Variants in CNTNAP2 observed in about 807,000 individuals in gnomAD.
CNTNAP2 encodes contactin-associated protein-like 2.
CNTNAP2 carries 98 observed loss-of-function variants against 155.2 expected under a neutral mutation model. The observed-to-expected ratio is 0.63, with a 90% CI of 0.54 to 0.75. CNTNAP2 has a LOEUF of 0.75. Ranked by LOEUF, CNTNAP2 falls within the 30% of genes least tolerant of loss-of-function variation. CNTNAP2 has a pLI of 0.00. For synonymous variants in CNTNAP2, 651 were observed against 631.2 expected (o/e 1.03, Z -0.47); for missense variants, 1,727 against 1,688.1 (o/e 1.02, Z -0.40).
intron 1 of CNTNAP2, among the ~76,000 whole-genome samples, chr7:146,371,938 G>T (rs183566795): frequency 9.5e-5 from 14 of 146,746 alleles, no homozygotes; most frequent in Non-Finnish European, 1.5e-4. Context: ...CAGCCTGGGC[G>T]ACAGAGTGAA....
At chr7:146,758,974 T>A (rs1563219011) in intron 1 of CNTNAP2, among the ~76,000 whole-genome samples, 1 of 152,202 alleles carries the variant, frequency 6.6e-6, no homozygotes, top group Non-Finnish European at 1.5e-5. Flanking sequence ...CTGGTGATGA[T>A]GGCAAAATGA....
At chr7:147,528,969 T>C (rs983886682) in intron 11 of CNTNAP2, among the ~76,000 whole-genome samples, 3 of 152,088 alleles carry the variant, frequency 2.0e-5, no homozygotes, top group Non-Finnish European at 2.9e-5. Flanking sequence ...AGCCAGACCA[T>C]GGGGATGAAA....
chr7:147,126,495 C>T (rs199587755), intron 6 of CNTNAP2, among the ~76,000 whole-genome samples: 8 of 152,076 alleles, frequency 5.3e-5, no homozygotes, highest in South Asian at 2.1e-4. Context: ...ATATTTGAGA[C>T]GGACTCTTTC....
chr7:148,321,000 A>C (rs530659177), intron 21 of CNTNAP2, among the ~76,000 whole-genome samples: 15 of 152,296 alleles, frequency 9.8e-5, no homozygotes, highest in Non-Finnish European at 1.9e-4. Context: ...CTTTCAGAGT[A>C]AAGAGAGGTT....
chr7:146,972,585 C>T (rs1316549210), intron 3 of CNTNAP2, among the ~76,000 whole-genome samples: 1 of 152,030 alleles, frequency 6.6e-6, no homozygotes, highest in African/African-American at 2.4e-5. Flanking sequence ...CAAATTTTTT[C>T]ATATATAAAA....
At position 148,416,092 on chromosome 7, in the gene CNTNAP2, C is replaced by T. The variant is rs768326509; in HGVS notation, c.*476C>T. 5.9e-6 allele frequency: 1 copy of T among 169,836 alleles called. No individual in the cohort carries two copies. Among genetic ancestry groups the T allele is most frequent in the South Asian group, 1.5e-4 (1 of 6,656 alleles). The allele number at this position is 169,836 out of a possible 1,614,324, so 10.5% of individuals were successfully genotyped here. On this transcript the variant is annotated 3_prime_UTR_variant, in exon 24 of 24. Transcript: ENST00000361727. ...TAATGGGCTGTTACAGAAACTAGTT[C>T]GTGTTTATATACTATTTCCTTTGAT...
chr7:146,155,533 G>A (rs1379558272), intron 1 of CNTNAP2, among the ~76,000 whole-genome samples: 2 of 151,994 alleles, frequency 1.3e-5, no homozygotes, highest in Non-Finnish European at 2.9e-5. Context: ...TAGACTTACT[G>A]TAGAGGCTTG....
At chr7:146,577,052 G>A (rs1798536014) in intron 1 of CNTNAP2, among the ~76,000 whole-genome samples, 1 of 151,932 alleles carries the variant, frequency 6.6e-6, no homozygotes, top group Non-Finnish European at 1.5e-5. Context: ...TTGCAAATTT[G>A]AAATTTTGTA....
chr7:147,650,697 G>A (rs990704205), intron 13 of CNTNAP2, among the ~76,000 whole-genome samples: 8 of 152,102 alleles, frequency 5.3e-5, no homozygotes, highest in South Asian at 2.1e-4. Flanking sequence ...CTAGTCAACA[G>A]TAGGCTATTG....
At chr7:146,609,642 A>T (rs894324278) in intron 1 of CNTNAP2, among the ~76,000 whole-genome samples, 2 of 152,206 alleles carry the variant, frequency 1.3e-5, no homozygotes, top group African/African-American at 4.8e-5. Flanking sequence ...GCCATGGTAG[A>T]GGTGTTTGTC....
intron 4 of CNTNAP2, among the ~76,000 whole-genome samples, chr7:147,059,680 T>G (rs1216046038): frequency 1.3e-5 from 2 of 152,166 alleles, no homozygotes; most frequent in Non-Finnish European, 2.9e-5. Context: ...GCAGCATTTA[T>G]TTAGGGTGTC....
At chr7:147,236,141 C>G (rs1261309416) in intron 8 of CNTNAP2, among the ~76,000 whole-genome samples, 1 of 152,198 alleles carries the variant, frequency 6.6e-6, no homozygotes, top group Non-Finnish European at 1.5e-5. Flanking sequence ...ACCCTCCAAA[C>G]CTAACTCAGG....
intron 9 of CNTNAP2, among the ~76,000 whole-genome samples, chr7:147,343,103 A>T (rs189964650): frequency 6.6e-6 from 1 of 152,278 alleles, no homozygotes; most frequent in East Asian, 1.9e-4. Context: ...TGAACTTTTA[A>T]GCAAGGGTAA....
At chr7:146,681,372 A>G (rs1488009122) in intron 1 of CNTNAP2, among the ~76,000 whole-genome samples, 1 of 132,354 alleles carries the variant, frequency 7.6e-6, no homozygotes, top group Non-Finnish European at 1.6e-5. Flanking sequence ...GGTGTTTAGA[A>G]ATGGTGTTAT....
chr7:147,307,066 G>C (rs544723288), intron 9 of CNTNAP2, among the ~76,000 whole-genome samples: 2 of 152,052 alleles, frequency 1.3e-5, no homozygotes, highest in Non-Finnish European at 2.9e-5. Flanking sequence ...AATTTTGTAC[G>C]ATGGGCATCT....
intron 1 of CNTNAP2, among the ~76,000 whole-genome samples, chr7:146,716,633 C>T (rs1029302643): frequency 6.6e-6 from 1 of 152,150 alleles, no homozygotes; most frequent in African/African-American, 2.4e-5. Context: ...ATTCTATAAA[C>T]CACCTGAGTG....
At chr7:146,770,351 T>C (rs1031390139) in intron 1 of CNTNAP2, among the ~76,000 whole-genome samples, 261 of 130,532 alleles carry the variant, frequency 2.0e-3, no homozygotes, top group South Asian at 0.012. Flanking sequence ...CACACACACA[T>C]ATACATATAA....
At chr7:146,470,660 C>T (rs978688378) in intron 1 of CNTNAP2, among the ~76,000 whole-genome samples, 3 of 152,114 alleles carry the variant, frequency 2.0e-5, no homozygotes, top group Non-Finnish European at 2.9e-5. Context: ...ACCTCCGCCT[C>T]CTGGGATCAA....
intron 3 of CNTNAP2, among the ~76,000 whole-genome samples, chr7:146,967,833 C>A (rs543815727): frequency 2.0e-5 from 3 of 152,070 alleles, no homozygotes; most frequent in East Asian, 3.9e-4. Context: ...CTGGCCAGAA[C>A]TTCCAACACT....
Sources: allele counts gnomAD v4.1 joint callset (sites outside exome capture counted in the v4.1 genomes callset), GRCh38; gene constraint gnomAD v4.1.1; transcripts MANE v1.5; gene names NCBI Gene and HGNC (gene_info 2026-07-23, HGNC 2026-07-21).